LATS2: variants seen among roughly 807,000 people sequenced by gnomAD.
LATS2 encodes the protein serine/threonine-protein kinase LATS2.
Under a neutral mutation model 76.0 loss-of-function variants are expected in LATS2, and 24 were observed. The ratio of observed to expected loss-of-function variants is 0.32; its 90% CI spans 0.23 to 0.44. The LOEUF (loss-of-function observed/expected upper bound fraction) is 0.44, where lower values mean the gene tolerates loss of function less well. LATS2 is among the 20% of genes least tolerant of loss of function. LATS2 has a pLI of 1.00. For missense variants in LATS2, 1,286 were observed against 1,481.2 expected (o/e 0.87, Z 2.16); for synonymous variants, 692 against 635.4 (o/e 1.09, Z -1.34).
At chr13:21,012,648 T>C (rs1289038904) in intron 2 of LATS2, among the ~76,000 whole-genome samples, 1 of 152,154 alleles carries the variant, frequency 6.6e-6, no homozygotes, top group Admixed American at 6.5e-5. Context: ...CATGGCTTTG[T>C]TGGATGGTAA....
chr13:21,011,998 GCAAACTC>G (rs1024316279), intron 2 of LATS2, among the ~76,000 whole-genome samples: 11 of 152,156 alleles, frequency 7.2e-5, no homozygotes, highest in African/African-American at 2.7e-4. Context: ...GGGAGAATGT[GCAAACTC>G]CACACAGTGG....
chr13:20,997,720 C>T (rs183706883), intron 2 of LATS2, among the ~76,000 whole-genome samples: 8 of 152,312 alleles, frequency 5.3e-5, no homozygotes, highest in Admixed American at 2.0e-4. Context: ...CTTACGAGGA[C>T]GGGTGGGAAC....
intron 2 of LATS2, among the ~76,000 whole-genome samples, chr13:21,038,136 G>T (rs549067266): frequency 6.6e-6 from 1 of 152,198 alleles, no homozygotes; most frequent in South Asian, 2.1e-4. Context: ...TCAGACTGAG[G>T]AGGGTACTGT....
chr13:20,999,984 C>A (rs1183552321), intron 2 of LATS2, among the ~76,000 whole-genome samples: 8 of 151,454 alleles, frequency 5.3e-5, no homozygotes, highest in Non-Finnish European at 2.9e-5. Context: ...GAGTCAAGAT[C>A]ACGCAGCAGA....
At chr13:21,007,750 A>AC (rs1190489421) in intron 2 of LATS2, among the ~76,000 whole-genome samples, 1 of 6,180 alleles carries the variant, frequency 1.6e-4, no homozygotes, top group African/African-American at 5.7e-4. Context: ...ATATATATAT[A>AC]TATATATATA....
chr13:21,059,794 C>T (rs548621397), intron 1 of LATS2, among the ~76,000 whole-genome samples: 35 of 152,200 alleles, frequency 2.3e-4, no homozygotes, highest in African/African-American at 8.4e-4. Context: ...CGGCGAAACC[C>T]GTCTCTACTA....
intron 2 of LATS2, among the ~76,000 whole-genome samples, chr13:21,007,761 T>TACTATATATATATA (rs57849094): frequency 1.8e-3 from 14 of 7,792 alleles, no homozygotes; most frequent in African/African-American, 8.7e-3. Context: ...TATATATATA[T>TACTATATATATATA]TTTTTTTTTT....
At position 20,985,521 on chromosome 13, in the gene LATS2, T is replaced by C. The variant is rs369697670; in HGVS notation, c.1900-1715A>G. On this transcript the variant is annotated intron_variant, in intron 4 of 7. Transcript: ENST00000382592. ...TGGGAGGCTGAGGCAGGCGGATTAC[T>C]TGAGGTCAGGAGTTTGAGACCAGCC... Among the ~76,000 whole-genome samples the C allele has an allele frequency of 1.2e-3, 177 of 148,650 alleles. 1 individual carries two copies. The highest frequency in any genetic ancestry group is 7.1e-3 in the Middle Eastern group (2 of 280).
chr13:21,050,674 G>A (rs1429821436), intron 1 of LATS2, among the ~76,000 whole-genome samples: 1 of 152,182 alleles, frequency 6.6e-6, no homozygotes, highest in Non-Finnish European at 1.5e-5. Context: ...TGCCATTCAG[G>A]TTGCCATGGC....
At chr13:20,976,118 G>T (rs894853956) in intron 7 of LATS2, among the ~76,000 whole-genome samples, 1 of 150,404 alleles carries the variant, frequency 6.6e-6, no homozygotes, top group Non-Finnish European at 1.5e-5. Flanking sequence ...CAGCCATCTG[G>T]ACGTTCAGTA....
intron 6 of LATS2, 77 bp downstream of exon 6, chr13:20,981,389 G>C (rs1869869889): frequency 2.2e-6 from 3 of 1,359,634 alleles, no homozygotes; most frequent in Non-Finnish European, 3.0e-6. Context: ...TCCTTGGAAA[G>C]CTAGAGCCAG....
chr13:21,008,707 TAGAG>T (rs1437500411), intron 2 of LATS2, among the ~76,000 whole-genome samples: 2 of 152,142 alleles, frequency 1.3e-5, no homozygotes, highest in African/African-American at 2.4e-5. Flanking sequence ...TTGGCAAAGT[TAGAG>T]AGATGCTGCA....
chr13:21,022,599 C>T (rs541623788), intron 2 of LATS2, among the ~76,000 whole-genome samples: 71 of 152,222 alleles, frequency 4.7e-4, no homozygotes, highest in Non-Finnish European at 7.1e-4. Context: ...ATGAACTGTA[C>T]CAAAGTCAGA....
intron 1 of LATS2, among the ~76,000 whole-genome samples, chr13:21,053,620 G>A (rs1415929999): frequency 1.3e-5 from 2 of 152,152 alleles, no homozygotes; most frequent in Admixed American, 1.3e-4. Flanking sequence ...AAAGGAGAAC[G>A]AAGCCTCAGT....
At chr13:20,997,599 A>T (rs1331152562) in intron 2 of LATS2, among the ~76,000 whole-genome samples, 2 of 152,170 alleles carry the variant, frequency 1.3e-5, no homozygotes, top group Admixed American at 1.3e-4. Flanking sequence ...CCCTCGGGGA[A>T]GCTGGCCTCA....
chr13:20,988,604 C>T lies in LATS2; in HGVS notation c.1176G>A (p.Ala392=), dbSNP rs1414681047. ...GGCAGTCAGGCCGGAAGGCCACGTG[C>T]GCGCGCGGCGGCGCCTCCAGGCCCG... is the stretch of plus-strand genomic sequence containing the variant. ...QKPGLEAPPR[A]HVAFRPDCPV... Residue 392 remains alanine, a synonymous_variant, in exon 4 of 8, where the codon GCG becomes GCA. Transcript: ENST00000382592. 1 of 1,588,834 alleles carries T rather than the reference C, an allele frequency of 6.3e-7. No individual in the cohort carries two copies. The highest frequency in any genetic ancestry group is 8.5e-7 in the Non-Finnish European group (1 of 1,175,576).
At chr13:21,060,717 G>A (rs926961148) in intron 1 of LATS2, among the ~76,000 whole-genome samples, 3 of 151,512 alleles carry the variant, frequency 2.0e-5, no homozygotes, top group African/African-American at 7.2e-5. Flanking sequence ...CGGCACCGCC[G>A]TGGGTCCGTC....
Position 21,045,820 on chromosome 13 carries a change from CT to C in LATS2, c.206del (p.Lys69SerfsTer9). 6.2e-7 allele frequency: 1 copy of C among 1,614,218 alleles called. No homozygotes were observed. Among genetic ancestry groups the C allele is most frequent in the Non-Finnish European group, 8.5e-7 (1 of 1,180,040 alleles). The stretch of plus-strand genomic sequence containing the variant: ...TCAAGGCTTTCTGATAAGGTCCGAA[CT>C]TTGGGGTGGCTCTCATCTGCTGCTG... ...RQQQQMRATPKFGPYQKALRE... is the reference protein window; with the variant it reads ...RQQQQMRATPXFGPYQKALRE... On this transcript the variant is annotated frameshift_variant, in exon 2 of 8. Coordinates refer to ENST00000382592, the MANE Select transcript of LATS2 (RefSeq NM_014572.3). LOFTEE classifies it high-confidence loss of function.
At chr13:21,006,215 A>T (rs1565951447) in intron 2 of LATS2, among the ~76,000 whole-genome samples, 1 of 151,938 alleles carries the variant, frequency 6.6e-6, no homozygotes, top group Non-Finnish European at 1.5e-5. Flanking sequence ...AGGAAAAAAA[A>T]AAAAAATCAC....
Sources: gnomAD v4.1 joint callset for allele counts (sites outside exome capture counted in the v4.1 genomes callset) on GRCh38, gnomAD v4.1.1 for gene constraint, MANE v1.5 for transcripts, NCBI Gene and HGNC (gene_info 2026-07-23, HGNC 2026-07-21) for gene names.